The following FGD5 variants were observed in gnomAD, a reference collection of about 807,000 sequenced individuals.
The protein encoded by FGD5 is FYVE, RhoGEF and PH domain-containing protein 5.
FGD5 carries 28 observed loss-of-function variants against 133.4 expected under a neutral mutation model. The ratio of observed to expected loss-of-function variants is 0.21; its 90% CI spans 0.16 to 0.29. The LOEUF is 0.29. Among genes scored for constraint, FGD5 ranks in the 10% least tolerant of loss-of-function variants. The pLI, the probability that FGD5 is intolerant of heterozygous loss-of-function variation, is 1.00. For synonymous variants in FGD5, 810 were observed against 776.5 expected (o/e 1.04, Z -0.72); for missense variants, 1,858 against 1,895.2 (o/e 0.98, Z 0.36).
intron 2 of FGD5, among the ~76,000 whole-genome samples, chr3:14,865,243 T>C (rs2037472351): frequency 2.0e-5 from 3 of 152,048 alleles, no homozygotes. Flanking sequence ...CCTCCCACTC[T>C]CCATCATCCC....
At chr3:14,905,973 C>T (rs376390370) in intron 9 of FGD5, among the ~76,000 whole-genome samples, 3 of 152,018 alleles carry the variant, frequency 2.0e-5, no homozygotes, top group African/African-American at 4.8e-5. Flanking sequence ...ACAGGGCAGT[C>T]GGGTCAGTCC....
At position 14,819,689 on chromosome 3, in the gene FGD5, C is replaced by T; in HGVS notation, c.618C>T (p.Pro206=). Reference sequence around the variant, plus strand: ...ACATCCATGGAGAGGACCAGGAGCCCCCCGACACCCCCGGGGAGGCAGAGG... The same window carrying T: ...ACATCCATGGAGAGGACCAGGAGCCTCCCGACACCCCCGGGGAGGCAGAGG... The part of the protein sequence containing the change: ...LPHIHGEDQE[P]PDTPGEAEED... Residue 206 remains proline, a synonymous_variant, in exon 1 of 20, where the codon CCC becomes CCT. Coordinates refer to ENST00000285046, the MANE Select transcript of FGD5 (RefSeq NM_152536.4). This position sits in a 1 kb window ranked among gnomAD's most constrained non-coding sequence, Gnocchi z 4.1. 1 of 1,538,740 alleles carries T rather than the reference C, an allele frequency of 6.5e-7. No homozygotes were observed. The highest frequency in any genetic ancestry group is 1.2e-5 in the South Asian group (1 of 81,486).
chr3:14,901,279 T>G (rs1048713429), intron 9 of FGD5, among the ~76,000 whole-genome samples: 10 of 152,190 alleles, frequency 6.6e-5, no homozygotes, highest in Non-Finnish European at 1.3e-4. Flanking sequence ...GTTCAAACAA[T>G]GAGAGGAATG....
intron 4 of FGD5, among the ~76,000 whole-genome samples, chr3:14,884,839 C>T (rs967265474): frequency 6.6e-6 from 1 of 152,132 alleles, no homozygotes; most frequent in Non-Finnish European, 1.5e-5. Context: ...GATCAAACAG[C>T]AAACTGTTTA....
intron 1 of FGD5, among the ~76,000 whole-genome samples, chr3:14,843,920 C>T (rs1399322544): frequency 1.3e-5 from 2 of 151,444 alleles, no homozygotes; most frequent in African/African-American, 4.8e-5. Flanking sequence ...GTCTCAAACT[C>T]CTGACCTCAG....
intron 6 of FGD5, among the ~76,000 whole-genome samples, chr3:14,898,424 G>T (rs916754778): frequency 6.6e-6 from 1 of 152,158 alleles, no homozygotes; most frequent in African/African-American, 2.4e-5. Flanking sequence ...GCCACAAACT[G>T]GGGATCTAGT....
At chr3:14,879,569 G>GCTCACTCACTCACTC (rs1553627786) in intron 2 of FGD5, among the ~76,000 whole-genome samples, 1 of 152,300 alleles carries the variant, frequency 6.6e-6, no homozygotes, top group Non-Finnish European at 1.5e-5. Context: ...ATGTGCGCTC[G>GCTCACTCACTCACTC]CTCACTCACT....
Position 14,917,284 on chromosome 3 carries a change from G to A in FGD5, c.3441G>A (p.Lys1147=). The part of the protein sequence containing the change: ...NDVLLYTYPQ[K]DGKYRLKNTL... ...TGCTCCTGTACACCTATCCCCAGAA[G>A]GATGGGAAGTACCGGCTGAAGAACA... Residue 1147 remains lysine, a synonymous_variant, in exon 12 of 20, where the codon AAG becomes AAA. Coordinates refer to ENST00000285046, the MANE Select transcript of FGD5 (RefSeq NM_152536.4). The surrounding 1 kb of genome is among the most constrained non-coding windows in gnomAD (Gnocchi z 4.1). 1 of 1,613,816 alleles carries A rather than the reference G, an allele frequency of 6.2e-7. No homozygotes were observed. Among genetic ancestry groups the A allele is most frequent in the East Asian group, 2.2e-5 (1 of 44,880 alleles).
intron 2 of FGD5, among the ~76,000 whole-genome samples, chr3:14,873,417 C>T (rs1332973231): frequency 6.6e-6 from 1 of 151,994 alleles, no homozygotes; most frequent in Non-Finnish European, 1.5e-5. Context: ...GAGAGCAGGA[C>T]GTAGTTAAGT....
rs761090327 is a variant in FGD5 at position 14,898,036 on chromosome 3, C to T, written c.3007C>T (p.Leu1003=). ...CCTGCAGTTCGACAGGTACCTAGGT[C>T]TGCTCAGTGAGAATTGCCTCCACTC... is the stretch of plus-strand genomic sequence containing the variant. ...HILQFDRYLG[L]LSENCLHSPR... The change falls in exon 6 of 20, where the codon CTG becomes TTG. Residue 1003 remains leucine, a synonymous_variant. Coordinates refer to ENST00000285046, the MANE Select transcript of FGD5 (RefSeq NM_152536.4). The T allele has an allele frequency of 2.5e-6, 4 of 1,614,022 alleles. No individual in the cohort carries two copies. The Admixed American group carries it at 6.7e-5, about 27-fold the overall frequency.
In FGD5 at chr3:14,820,826, G is replaced by T; in HGVS notation, c.1755G>T (p.Leu585=). Residue 585 remains leucine (L), a synonymous_variant, in exon 1 of 20, where the codon CTG becomes CTT. Transcript: ENST00000285046. ...AGAGGAAAGAGGACAATCTCTCTCTGTCGTGTGTAATTGGCTCCTCTGGGA... is the reference window on the plus strand; with the variant it reads ...AGAGGAAAGAGGACAATCTCTCTCTTTCGTGTGTAATTGGCTCCTCTGGGA... ...RIKRKEDNLS[L]SCVIGSSGSF... 1.2e-6 allele frequency: 2 copies of T among 1,613,882 alleles called. No homozygotes were observed. Among genetic ancestry groups the T allele is most frequent in the Non-Finnish European group, 1.7e-6 (2 of 1,179,870 alleles).
intron 2 of FGD5, among the ~76,000 whole-genome samples, chr3:14,873,690 A>G (rs760153072): frequency 1.8e-4 from 27 of 150,864 alleles, no homozygotes; most frequent in Admixed American, 4.6e-4. Flanking sequence ...GTTTCTTTTC[A>G]CTGTGGCAAG....
intron 9 of FGD5, among the ~76,000 whole-genome samples, chr3:14,904,492 A>C (rs1023866148): frequency 1.6e-5 from 2 of 122,688 alleles, no homozygotes; most frequent in African/African-American, 6.6e-5. Context: ...GGTGTCATCA[A>C]TATAGATTTC....
At chr3:14,833,122 A>G (rs2036748282) in intron 1 of FGD5, among the ~76,000 whole-genome samples, 1 of 152,202 alleles carries the variant, frequency 6.6e-6, no homozygotes, top group South Asian at 2.1e-4. Context: ...GAAGGCAGCC[A>G]CTGAGCCATG....
intron 1 of FGD5, among the ~76,000 whole-genome samples, chr3:14,842,486 A>G (rs2036942773): frequency 6.6e-6 from 1 of 152,142 alleles, no homozygotes; most frequent in Admixed American, 6.6e-5. Context: ...GTCAGGACCC[A>G]TTATTCAGCT....
intron 8 of FGD5, 107 bp from the exon 9 acceptor site, chr3:14,900,875 AATCACTGTCAAGGTCACCTAG>A: frequency 5.1e-6 from 5 of 976,432 alleles, no homozygotes; most frequent in Non-Finnish European, 8.2e-6. Flanking sequence ...ACAGTGGTCA[AATCACTGTCAAGGTCACCTAG>A]GCAGTAGTGG....
chr3:14,933,411 C>G lies in FGD5; in HGVS notation c.*244C>G, dbSNP rs2038932417. ...TTCCACCCCTACCCCCACCCGCCACCCAGTAATAAACTATTTCCTTACCCC... is the reference window on the plus strand; with the variant it reads ...TTCCACCCCTACCCCCACCCGCCACGCAGTAATAAACTATTTCCTTACCCC... On this transcript the variant is annotated 3_prime_UTR_variant, in exon 20 of 20. Coordinates refer to ENST00000285046, the MANE Select transcript of FGD5 (RefSeq NM_152536.4). The G allele has an allele frequency of 1.5e-5, 8 of 536,296 alleles. No individual in the cohort carries two copies. The highest frequency in any genetic ancestry group is 2.3e-5 in the Non-Finnish European group (7 of 298,342). 33.2% of individuals were successfully genotyped at this position (536,296 alleles called of 1,614,324 possible). A position where few individuals can be genotyped will look rare whatever the true frequency, so the allele number is the denominator to read the frequency against.
chr3:14,893,399 T>A (rs951081492), intron 4 of FGD5, among the ~76,000 whole-genome samples: 2 of 152,190 alleles, frequency 1.3e-5, no homozygotes, highest in Non-Finnish European at 2.9e-5. Flanking sequence ...TCAACCAGGT[T>A]GGAGTGCAGT....
intron 1 of FGD5, among the ~76,000 whole-genome samples, chr3:14,812,506 C>T (rs1296038342): frequency 6.6e-6 from 1 of 152,198 alleles, no homozygotes; most frequent in African/African-American, 2.4e-5. Context: ...AACTTAGAGG[C>T]AGGTTTGGTC....
Sources: allele counts gnomAD v4.1 joint callset (sites outside exome capture counted in the v4.1 genomes callset), GRCh38; gene constraint gnomAD v4.1.1; non-coding constraint Gnocchi (gnomAD v3.1); transcripts MANE v1.5; gene names NCBI Gene and HGNC (gene_info 2026-07-23, HGNC 2026-07-21).